The following FRY variants were observed in gnomAD, a reference collection of about 807,000 sequenced individuals.
The protein encoded by FRY is FRY microtubule binding protein, also known as protein furry homolog.
Under a neutral mutation model 348.4 loss-of-function variants are expected in FRY, and 128 were observed. The ratio of observed to expected loss-of-function variants is 0.37; its 90% CI spans 0.32 to 0.43. The LOEUF (loss-of-function observed/expected upper bound fraction) is 0.43, where lower values mean the gene tolerates loss of function less well. FRY is among the 20% of genes least tolerant of loss of function. FRY has a pLI of 1.00. For missense variants in FRY, 2,736 were observed against 3,695.2 expected (o/e 0.74, Z 6.73); for synonymous variants, 1,370 against 1,374.7 (o/e 1.00, Z 0.08).
chr13:32,092,962 G>A (rs550118665), intron 2 of FRY, among the ~76,000 whole-genome samples: 125 of 152,242 alleles, frequency 8.2e-4, no homozygotes, highest in Non-Finnish European at 1.6e-3. Flanking sequence ...GATGCATCAC[G>A]ACCTCCTGTT....
At chr13:32,095,988 C>T (rs984740835) in intron 2 of FRY, among the ~76,000 whole-genome samples, 3 of 151,748 alleles carry the variant, frequency 2.0e-5, no homozygotes, top group African/African-American at 7.3e-5. Flanking sequence ...TCCCTCTTTC[C>T]TTCCTTCCAT....
At chr13:32,257,395 A>G (rs750956415) in intron 51 of FRY, among the ~76,000 whole-genome samples, 3 of 152,250 alleles carry the variant, frequency 2.0e-5, no homozygotes, top group Non-Finnish European at 2.9e-5. Context: ...ATTTTGTCAT[A>G]TCTATTCCTT....
rs374875368 is a variant in FRY, at chr13:32,059,510, T to C, written c.71-19324T>C. Reference sequence around the variant, plus strand: ...AGAATGTAGTATTACACTAATGAGATAGTGAAGCAGAATTCCATTTTCTTT... The same window carrying C: ...AGAATGTAGTATTACACTAATGAGACAGTGAAGCAGAATTCCATTTTCTTT... On this transcript the variant is annotated intron_variant, in intron 1 of 60. Coordinates refer to ENST00000542859, the MANE Select transcript of FRY (RefSeq NM_023037.3). 8.8e-5 allele frequency among the ~76,000 whole-genome samples: 13 copies of C among 148,118 alleles called. No homozygotes were observed. In the East Asian group the frequency reaches 2.0e-3, roughly 23 times the overall value.
chr13:32,168,928 A>G (rs1881901646), intron 17 of FRY, among the ~76,000 whole-genome samples: 1 of 152,224 alleles, frequency 6.6e-6, no homozygotes, highest in Non-Finnish European at 1.5e-5. Flanking sequence ...TTTTGTGAGA[A>G]GTATTTTGGA....
rs1245048807 is a variant in FRY at position 32,212,232 on chromosome 13, G to C, written c.4592-60G>C. 6.5e-6 allele frequency: 6 copies of C among 925,502 alleles called. No individual in the cohort carries two copies. In the East Asian group the frequency reaches 1.5e-4, roughly 24 times the overall value. The allele number at this position is 925,502 out of a possible 1,614,324, so 57.3% of individuals were successfully genotyped here. ...CTTTCCCTGGAATTACTTGAGACTTGAGCTTGACCCCTCAGCTTGCATCTT... is the reference window on the plus strand; with the variant it reads ...CTTTCCCTGGAATTACTTGAGACTTCAGCTTGACCCCTCAGCTTGCATCTT... On this transcript the variant is annotated intron_variant, in intron 34 of 60. Coordinates refer to ENST00000542859, the MANE Select transcript of FRY (RefSeq NM_023037.3).
rs544055788 is a variant in FRY at position 32,133,020 on chromosome 13, A to T, written c.885+1180A>T. ...AGAGACAGAAAGTAGACTAACAGTT[A>T]TCTAGGGCTGGGGATGGGGAGTGGA... On this transcript the variant is annotated intron_variant, in intron 8 of 60. Coordinates refer to ENST00000542859, the MANE Select transcript of FRY (RefSeq NM_023037.3). 1.1e-3 allele frequency among the ~76,000 whole-genome samples: 171 copies of T among 152,298 alleles called. 1 individual carries two copies. Among genetic ancestry groups the T allele is most frequent in the African/African-American group, 3.9e-3 (162 of 41,568 alleles).
chr13:32,149,899 C>T (rs569202803), intron 14 of FRY, 65 bp downstream of exon 14: 11 of 997,644 alleles, frequency 1.1e-5, no homozygotes, highest in East Asian at 4.8e-5. Flanking sequence ...CTTTGCTTTG[C>T]GGCTTTGGAG....
chr13:32,097,470 C>T (rs1356616524), intron 2 of FRY, among the ~76,000 whole-genome samples: 3 of 149,724 alleles, frequency 2.0e-5, no homozygotes, highest in Non-Finnish European at 4.4e-5. Flanking sequence ...AAGCGATTCT[C>T]CCACCTCAGC....
rs545358314 is a variant in FRY at position 32,060,051 on chromosome 13, T to C, written c.71-18783T>C. Among the ~76,000 whole-genome samples, 148 of 152,366 alleles carry C rather than the reference T, an allele frequency of 9.7e-4. 1 individual carries two copies. The Middle Eastern group carries it at 0.014, about 14-fold the overall frequency. On this transcript the variant is annotated intron_variant, in intron 1 of 60. Transcript: ENST00000542859. ...TCATCAGTCAATTCTCCTTCCATGC[T>C]GTTTTGTAATTACAACCTATATTGC...
chr13:32,265,670 T>C, intron 54 of FRY, 54 bp downstream of exon 54: 2 of 1,516,808 alleles, frequency 1.3e-6, no homozygotes, highest in Non-Finnish European at 9.1e-7. Flanking sequence ...GTACATTATA[T>C]GGCATTCACA....
Position 32,239,127 on chromosome 13 carries a change from T to A in FRY, c.6419-125T>A. On this transcript the variant is annotated intron_variant, in intron 44 of 60. Transcript: ENST00000542859. The surrounding 1 kb of genome is among the most constrained non-coding windows in gnomAD (Gnocchi z 4.3). ...TTCATAGATTTTGTGTTAGATCATG[T>A]TTAAGCTGATTCAAAAAACTGCTTT... The A allele has an allele frequency of 1.4e-6, 1 of 726,938 alleles. No homozygotes were observed. Among genetic ancestry groups the A allele is most frequent in the Non-Finnish European group, 2.5e-6 (1 of 397,822 alleles). The allele number at this position is 726,938 out of a possible 1,614,324, so 45.0% of individuals were successfully genotyped here.
intron 29 of FRY, among the ~76,000 whole-genome samples, chr13:32,197,001 T>C (rs891494636): frequency 1.8e-4 from 27 of 152,212 alleles, no homozygotes; most frequent in Non-Finnish European, 3.8e-4. Context: ...AGGTAAATTG[T>C]GTATTAAGAA....
intron 4 of FRY, among the ~76,000 whole-genome samples, chr13:32,122,555 C>G (rs1290634997): frequency 1.3e-5 from 2 of 152,062 alleles, no homozygotes; most frequent in Non-Finnish European, 2.9e-5. Context: ...TAAAAGCCAT[C>G]TACGACAAAC....
chr13:32,115,548 C>T (rs1414197823), intron 3 of FRY, among the ~76,000 whole-genome samples: 1 of 152,144 alleles, frequency 6.6e-6, no homozygotes, highest in Non-Finnish European at 1.5e-5. Flanking sequence ...CATTATGTTC[C>T]TTCACTCTGG....
chr13:32,033,598 T>C (rs751954050), intron 1 of FRY, among the ~76,000 whole-genome samples: 2 of 152,254 alleles, frequency 1.3e-5, no homozygotes. Flanking sequence ...TGACTGTTCA[T>C]TTCTACTTTG....
chr13:32,127,868 G>A (rs990637679), intron 7 of FRY, among the ~76,000 whole-genome samples: 1 of 152,082 alleles, frequency 6.6e-6, no homozygotes, highest in Non-Finnish European at 1.5e-5. Flanking sequence ...TTGAAATAGT[G>A]AATTATGCAA....
chr13:32,238,198 G>A (rs1305220776), intron 44 of FRY, among the ~76,000 whole-genome samples: 1 of 151,998 alleles, frequency 6.6e-6, no homozygotes, highest in Non-Finnish European at 1.5e-5. Flanking sequence ...GCATAAAAGG[G>A]GCCAAAATTA....
At chr13:32,139,998 C>T (rs1202640295) in intron 11 of FRY, among the ~76,000 whole-genome samples, 1 of 151,188 alleles carries the variant, frequency 6.6e-6, no homozygotes, top group Non-Finnish European at 1.5e-5. Flanking sequence ...GTTTCTTATC[C>T]TTCAAAATAA....
rs772096166 is a variant in FRY at position 32,295,471 on chromosome 13, C to T, written c.*11C>T. On this transcript the variant is annotated 3_prime_UTR_variant, in exon 61 of 61. Coordinates refer to ENST00000542859, the MANE Select transcript of FRY (RefSeq NM_023037.3). ...GGCACTAGTCTCTGACAGGAGCCTC[C>T]TGTCCCCACTGGGTTCCAAACTGGC... The T allele has an allele frequency of 1.9e-6, 3 of 1,608,484 alleles. No individual in the cohort carries two copies. Among genetic ancestry groups the T allele is most frequent in the South Asian group, 1.1e-5 (1 of 91,086 alleles).
Sources: allele counts gnomAD v4.1 joint callset (sites outside exome capture counted in the v4.1 genomes callset), GRCh38; gene constraint gnomAD v4.1.1; non-coding constraint Gnocchi (gnomAD v3.1); transcripts MANE v1.5; gene names NCBI Gene and HGNC (gene_info 2026-07-23, HGNC 2026-07-21).